Variants in SYNE1 observed in about 807,000 individuals in gnomAD.
SYNE1 encodes the protein nesprin-1.
In SYNE1, 616 loss-of-function variants were observed where a neutral mutation model predicts 1,111.0. The observed-to-expected ratio is 0.55, with a 90% CI of 0.52 to 0.59. The LOEUF is 0.59. Among genes scored for constraint, SYNE1 ranks in the 20% least tolerant of loss-of-function variants. SYNE1 has a pLI of 0.00. For synonymous variants in SYNE1, 3,855 were observed against 3,825.8 expected (o/e 1.01, Z -0.28); for missense variants, 10,006 against 10,417.0 (o/e 0.96, Z 1.72).
At chr6:152,490,133 C>T (rs2098962476) in intron 11 of SYNE1, among the ~76,000 whole-genome samples, 1 of 152,090 alleles carries the variant, frequency 6.6e-6, no homozygotes, top group Non-Finnish European at 1.5e-5. Flanking sequence ...AAATACAACA[C>T]AGTATAACAG....
At chr6:152,235,709 C>G (rs2083865316) in intron 110 of SYNE1, among the ~76,000 whole-genome samples, 1 of 152,016 alleles carries the variant, frequency 6.6e-6, no homozygotes, top group South Asian at 2.1e-4. Flanking sequence ...CTAGAGGAGC[C>G]ATGTCACTTT....
At chr6:152,249,287 C>T (rs777872989) in intron 104 of SYNE1, 25 bp from the exon 105 acceptor site, 9 of 1,311,970 alleles carry the variant, frequency 6.9e-6, no homozygotes, top group African/African-American at 1.4e-5. Flanking sequence ...AACGGGAAAA[C>T]TCAAAATGTG....
rs952765098 is a variant in SYNE1 at position 152,321,984 on chromosome 6, C to G, written c.15918-98G>C. 3.7e-6 allele frequency: 5 copies of G among 1,347,424 alleles called. No individual in the cohort carries two copies. The Admixed American group carries it at 8.8e-5, about 24-fold the overall frequency. The allele number at this position is 1,347,424 out of a possible 1,614,324, so 83.5% of individuals were successfully genotyped here. A position where few individuals can be genotyped will look rare whatever the true frequency, so the allele number is the denominator to read the frequency against. On this transcript the variant is annotated intron_variant, in intron 82 of 145. Coordinates refer to ENST00000367255, the MANE Select transcript of SYNE1 (RefSeq NM_182961.4). ...CAATACATATATAGAAATGGGAAAC[C>G]TAGTATCTTTTTTGAAAGAAAAGAC...
intron 3 of SYNE1, among the ~76,000 whole-genome samples, chr6:152,594,969 C>T (rs2099576831): frequency 6.6e-6 from 1 of 152,180 alleles, no homozygotes; most frequent in Non-Finnish European, 1.5e-5. Context: ...TATGACATGA[C>T]CTTTCAGCAC....
intron 76 of SYNE1, chr6:152,335,665 A>C (rs746241056): frequency 4.6e-5 from 7 of 152,186 alleles, no homozygotes; most frequent in Admixed American, 1.3e-4. Flanking sequence ...CCAACTTCCA[A>C]TTAAGTTAAT....
At chr6:152,290,047 C>A (rs1317272427) in intron 95 of SYNE1, among the ~76,000 whole-genome samples, 1 of 151,658 alleles carries the variant, frequency 6.6e-6, no homozygotes, top group African/African-American at 2.4e-5. Flanking sequence ...CACAGTTCTT[C>A]TCACATTCTA....
At chr6:152,493,932 C>T (rs1297011448) in intron 11 of SYNE1, among the ~76,000 whole-genome samples, 1 of 152,200 alleles carries the variant, frequency 6.6e-6, no homozygotes, top group Non-Finnish European at 1.5e-5. Context: ...CTTTCCGTTC[C>T]TTAAAAACTG....
chr6:152,421,845 A>C (rs2098267111), intron 39 of SYNE1, among the ~76,000 whole-genome samples: 1 of 151,990 alleles, frequency 6.6e-6, no homozygotes, highest in South Asian at 2.1e-4. Flanking sequence ...AGCTGGGATT[A>C]CAAGCACCTG....
At chr6:152,312,296 A>C (rs1305344826) in intron 87 of SYNE1, among the ~76,000 whole-genome samples, 1 of 146,690 alleles carries the variant, frequency 6.8e-6, no homozygotes, top group Admixed American at 6.9e-5. Flanking sequence ...TGCAACCTGC[A>C]TCTCCTGGGT....
intron 56 of SYNE1, among the ~76,000 whole-genome samples, chr6:152,377,608 TAAAAAAAAAAAAAAA>T (rs869031827): frequency 3.2e-5 from 1 of 31,366 alleles, no homozygotes; most frequent in Non-Finnish European, 6.2e-5. Flanking sequence ...AACTCCGTCT[TAAAAAAAAAAAAAAA>T]AAAAAAAAAA....
rs2098453588 is a variant in SYNE1 at position 152,434,198 on chromosome 6, T to C, written c.4311-253A>G. Reference sequence around the variant, plus strand: ...GTGAAACTGCACTTTGAACAAAACATTGCTGGGTCCAAAGGGGTTTGAATC... The same window carrying C: ...GTGAAACTGCACTTTGAACAAAACACTGCTGGGTCCAAAGGGGTTTGAATC... On this transcript the variant is annotated intron_variant, in intron 33 of 145. Transcript: ENST00000367255. 3.6e-5 allele frequency: 18 copies of C among 493,990 alleles called. 1 individual carries two copies. The South Asian group carries it at 4.1e-4, about 11-fold the overall frequency. 30.6% of individuals were successfully genotyped at this position (493,990 alleles called of 1,614,324 possible).
intron 104 of SYNE1, among the ~76,000 whole-genome samples, chr6:152,252,452 C>T (rs201997435): frequency 6.6e-6 from 1 of 152,126 alleles, no homozygotes; most frequent in East Asian, 1.9e-4. Context: ...TTTTGAAATA[C>T]AAAATAGTTC....
Position 152,350,320 on chromosome 6 carries a change from G to T in SYNE1, c.11749C>A (p.Leu3917Met). 6.2e-7 allele frequency: 1 copy of T among 1,614,106 alleles called. No homozygotes were observed. Among genetic ancestry groups the T allele is most frequent in the South Asian group, 1.1e-5 (1 of 91,074 alleles). ...CSIGKEHVFS[L>M]EAKVKDHEDY... The stretch of plus-strand genomic sequence containing the variant: ...TCATGGTCTTTGACTTTCGCCTCCA[G>T]ACTGAAGACATGCTCCTGCAAAACC... The change falls in exon 72 of 146, where the codon CTG becomes ATG. Residue 3917 changes from leucine to methionine, a missense_variant. Coordinates refer to ENST00000367255, the MANE Select transcript of SYNE1 (RefSeq NM_182961.4).
At position 152,321,935 on chromosome 6, in the gene SYNE1, C is replaced by T. The variant is rs117623694; in HGVS notation, c.15918-49G>A. On this transcript the variant is annotated intron_variant, in intron 82 of 145. Transcript: ENST00000367255. The stretch of plus-strand genomic sequence containing the variant: ...AACAGAAGTGAAGTGAAAGGAACCC[C>T]CTAATACTTGGCAACATTTTATCCA... The T allele has an allele frequency of 0.035, 55,633 of 1,608,414 alleles. 1,149 individuals carry two copies. Among genetic ancestry groups the T allele is most frequent in the Non-Finnish European group, 0.042 (49,872 of 1,175,094 alleles).
At chr6:152,465,070 C>T in intron 18 of SYNE1, 188 bp downstream of exon 18, 1 of 639,186 alleles carries the variant, frequency 1.6e-6, no homozygotes, top group South Asian at 1.9e-5. Flanking sequence ...ACTCAACCCT[C>T]CATCAGCTTC....
rs567589297 is a variant in SYNE1 at position 152,215,222 on chromosome 6, G to A, written c.22192-162C>T. Among the ~76,000 whole-genome samples, 18 of 152,278 alleles carry A rather than the reference G, an allele frequency of 1.2e-4. No homozygotes were observed. The East Asian group carries it at 1.9e-3, about 16-fold the overall frequency. On this transcript the variant is annotated intron_variant, in intron 121 of 145. Transcript: ENST00000367255. ...CTTACAATCTCTAGGTACGAATAGCGAAAAGCCAAATCTACTTTTCAGTCT... is the reference window on the plus strand; with the variant it reads ...CTTACAATCTCTAGGTACGAATAGCAAAAAGCCAAATCTACTTTTCAGTCT...
Position 152,471,858 on chromosome 6 carries a change from T to C in SYNE1, c.1464-93A>G, listed in dbSNP as rs567567269. ...TGTTACATGTCAGCCTTAAATAGAATGCAGCCACAAGCTCTTCTAACTCTG... is the reference window on the plus strand; with the variant it reads ...TGTTACATGTCAGCCTTAAATAGAACGCAGCCACAAGCTCTTCTAACTCTG... On this transcript the variant is annotated intron_variant, in intron 15 of 145. Coordinates refer to ENST00000367255, the MANE Select transcript of SYNE1 (RefSeq NM_182961.4). 2.9e-4 allele frequency: 370 copies of C among 1,274,488 alleles called. 1 individual carries two copies. Among genetic ancestry groups the C allele is most frequent in the South Asian group, 7.8e-4 (64 of 81,608 alleles). The allele number at this position is 1,274,488 out of a possible 1,614,324, so 78.9% of individuals were successfully genotyped here.
intron 3 of SYNE1, among the ~76,000 whole-genome samples, chr6:152,568,289 C>CT (rs10601350): frequency 0.22 from 17,874 of 80,198 alleles, 2,367 homozygotes; most frequent in Middle Eastern, 0.32. Context: ...TTATTTTATT[C>CT]TTTTTTTTTT....
At position 152,167,189 on chromosome 6, in the gene SYNE1, T is replaced by C. The variant is rs73617311; in HGVS notation, c.23628-2864A>G. ...ACCTTTCTTGAAAAGGATTCTACTA[T>C]GAAATCCAAATGTCCAGCTTCTTAA... On this transcript the variant is annotated intron_variant, in intron 130 of 145. Transcript: ENST00000367255. Among the ~76,000 whole-genome samples the C allele has an allele frequency of 9.4e-3, 1,437 of 152,310 alleles. 18 individuals carry two copies. Among genetic ancestry groups the C allele is most frequent in the African/African-American group, 0.029 (1,185 of 41,572 alleles).
Sources: allele counts gnomAD v4.1 joint callset (sites outside exome capture counted in the v4.1 genomes callset), GRCh38; gene constraint gnomAD v4.1.1; transcripts MANE v1.5; gene names NCBI Gene and HGNC (gene_info 2026-07-23, HGNC 2026-07-21).